The following RLN2 variants were observed in gnomAD, a reference collection of about 807,000 sequenced individuals.
RLN2 encodes prorelaxin H2.
RLN2 carries 10 observed loss-of-function variants against 7.3 expected under a neutral mutation model. The observed-to-expected ratio is 1.36, with a 90% CI of 0.84 to 2.31. RLN2 has a LOEUF of 2.31. Among genes scored for constraint, RLN2 ranks in the 30% most tolerant of loss-of-function variants. The pLI is 0.00. For missense variants in RLN2, 298 were observed against 217.6 expected (o/e 1.37, Z -2.32); for synonymous variants, 103 against 82.3 (o/e 1.25, Z -1.36).
chr9:5,330,012 A>G, the RLN2 span, among the ~76,000 whole-genome samples: 1 of 152,136 alleles, frequency 6.6e-6, no homozygotes, highest in East Asian at 1.9e-4. Context: ...AATTTGTAGT[A>G]AAACACTCCT....
At chr9:5,332,117 C>T in the RLN2 span, among the ~76,000 whole-genome samples, 1 of 151,712 alleles carries the variant, frequency 6.6e-6, no homozygotes. Context: ...ATTAAAAAAA[C>T]AAAACTGATC....
the RLN2 span, among the ~76,000 whole-genome samples, chr9:5,328,580 G>A: frequency 1.3e-5 from 2 of 151,980 alleles, no homozygotes; most frequent in Admixed American, 6.6e-5. Context: ...GATACTCCTC[G>A]AGAAGAGCAA....
At chr9:5,333,111 C>T in the RLN2 span, among the ~76,000 whole-genome samples, 2 of 151,880 alleles carry the variant, frequency 1.3e-5, no homozygotes, top group Non-Finnish European at 2.9e-5. Flanking sequence ...TTTAGTGATG[C>T]GTATGAAGGG....
the RLN2 span, chr9:5,311,665 C>T: frequency 1.1e-4 from 148 of 1,344,984 alleles, 3 homozygotes; most frequent in South Asian, 1.3e-3. Context: ...AAAATGGAGA[C>T]GCCAAAACAG....
chr9:5,302,143 T>C (rs1198930788), intron 1 of RLN2, among the ~76,000 whole-genome samples: 1 of 152,234 alleles, frequency 6.6e-6, no homozygotes, highest in Non-Finnish European at 1.5e-5. Context: ...GGTTTGTTCA[T>C]AGGCTGTGTA....
chr9:5,331,830 A>AAAAT, the RLN2 span, among the ~76,000 whole-genome samples: 4 of 152,066 alleles, frequency 2.6e-5, 1 homozygote, highest in Admixed American at 2.6e-4. Context: ...CAAACAAAGA[A>AAAAT]AAATAAATAA....
chr9:5,307,827 C>A (rs1019230934), upstream of RLN2, among the ~76,000 whole-genome samples: 5 of 152,020 alleles, frequency 3.3e-5, no homozygotes, highest in Admixed American at 3.3e-4. Context: ...TCTTCCAGCG[C>A]CAACTTTGTC....
At chr9:5,335,641 T>TA in the RLN2 span, 1 of 1,183,640 alleles carries the variant, frequency 8.4e-7, no homozygotes, top group Non-Finnish European at 1.2e-6. Context: ...CGTATTCACG[T>TA]CAAAGAGCAT....
the RLN2 span, among the ~76,000 whole-genome samples, chr9:5,327,404 A>T: frequency 5.7e-4 from 87 of 152,146 alleles, 1 homozygote; most frequent in Middle Eastern, 0.017. Flanking sequence ...GCTAGGAAGC[A>T]CAAACTGGGT....
At chr9:5,301,190 G>C (rs1816119804) in intron 1 of RLN2, among the ~76,000 whole-genome samples, 1 of 152,196 alleles carries the variant, frequency 6.6e-6, no homozygotes, top group Admixed American at 6.5e-5. Flanking sequence ...TTGTTCCAAA[G>C]CTGCAGATCA....
the RLN2 span, among the ~76,000 whole-genome samples, chr9:5,332,708 C>A: frequency 6.6e-6 from 1 of 151,480 alleles, no homozygotes; most frequent in East Asian, 1.9e-4. Context: ...CTGCAACTCC[C>A]GGGTTCAAGC....
the RLN2 span, among the ~76,000 whole-genome samples, chr9:5,328,418 G>C: frequency 1.3e-5 from 2 of 152,010 alleles, no homozygotes; most frequent in Non-Finnish European, 2.9e-5. Context: ...TATGTGAAAA[G>C]AACAAATATA....
chr9:5,320,924 G>C, the RLN2 span, among the ~76,000 whole-genome samples: 980 of 152,058 alleles, frequency 6.4e-3, 16 homozygotes, highest in African/African-American at 0.022. Context: ...ATCTACAACT[G>C]CAACAAAGAC....
the RLN2 span, among the ~76,000 whole-genome samples, chr9:5,322,438 A>T: frequency 1.3e-5 from 2 of 152,042 alleles, no homozygotes; most frequent in South Asian, 4.1e-4. Flanking sequence ...CAAGCAATCC[A>T]AGGAGAGAAG....
chr9:5,325,791 T>A, the RLN2 span, among the ~76,000 whole-genome samples: 1 of 152,090 alleles, frequency 6.6e-6, no homozygotes, highest in East Asian at 1.9e-4. Flanking sequence ...AGACAAGGGT[T>A]GTAGTTCTAT....
chr9:5,307,180 G>C (rs1022071141), upstream of RLN2, among the ~76,000 whole-genome samples: 6 of 151,688 alleles, frequency 4.0e-5, no homozygotes, highest in African/African-American at 1.2e-4. Flanking sequence ...GCTCTTATAA[G>C]TAACTTTTTA....
chr9:5,317,926 A>G, the RLN2 span, among the ~76,000 whole-genome samples: 1 of 151,914 alleles, frequency 6.6e-6, no homozygotes, highest in African/African-American at 2.4e-5. Context: ...ATCTATGCCA[A>G]TGGGGTGGTG....
chr9:5,301,834 T>TA (rs1317586153), intron 1 of RLN2, among the ~76,000 whole-genome samples: 4,771 of 151,038 alleles, frequency 0.032, 135 homozygotes, highest in African/African-American at 0.082. Flanking sequence ...GACAGAGGAA[T>TA]AAAAAAAAAC....
At chr9:5,329,303 C>A in the RLN2 span, among the ~76,000 whole-genome samples, 1 of 99,568 alleles carries the variant, frequency 1.0e-5, no homozygotes, top group Admixed American at 1.2e-4. Flanking sequence ...GAGCGAGACT[C>A]CATCTCAAAA....
Sources: allele counts gnomAD v4.1 joint callset (sites outside exome capture counted in the v4.1 genomes callset), GRCh38; gene constraint gnomAD v4.1.1; transcripts MANE v1.5; gene names NCBI Gene and HGNC (gene_info 2026-07-23, HGNC 2026-07-21).